Variants in SNX24 observed in about 807,000 individuals in gnomAD.
SNX24 encodes the protein sorting nexin 24, also known as sorting nexin-24.
SNX24 carries 22 observed loss-of-function variants against 28.7 expected under a neutral mutation model. That is an observed-to-expected ratio of 0.77 (90% CI 0.55 to 1.10). The LOEUF is 1.10. Among genes scored for constraint, SNX24 ranks in the 50% least tolerant of loss-of-function variants. The pLI is 0.00. For synonymous variants in SNX24, 69 were observed against 71.5 expected, an observed-to-expected ratio of 0.96 and a Z score of 0.18; for missense variants, 221 against 201.1, an observed-to-expected ratio of 1.10 and a Z score of -0.60.
At chr5:122,865,352 A>G (rs528883359) in intron 1 of SNX24, among the ~76,000 whole-genome samples, 124 of 152,180 alleles carry the variant, frequency 8.1e-4, no homozygotes, top group Middle Eastern at 6.8e-3. Flanking sequence ...ATTTTTTGAG[A>G]CTGAATCTTG....
intron 1 of SNX24, among the ~76,000 whole-genome samples, chr5:122,920,525 G>A (rs1758386936): frequency 6.6e-6 from 1 of 152,166 alleles, no homozygotes; most frequent in African/African-American, 2.4e-5. Context: ...TGTGTATATG[G>A]CACCATCTCT....
chr5:123,029,190 A>G, intron 5 of SNX24: 1 of 1,560,580 alleles, frequency 6.4e-7, no homozygotes, highest in African/African-American at 1.4e-5. Context: ...ATAAAGTCAA[A>G]TGTGGTAAGG....
chr5:122,928,174 A>G (rs1009410752), intron 1 of SNX24, among the ~76,000 whole-genome samples: 2 of 152,068 alleles, frequency 1.3e-5, no homozygotes, highest in Admixed American at 6.5e-5. Flanking sequence ...TTGGCACACA[A>G]TGGTAATGCT....
At chr5:122,959,935 GTCTCTGTGTCTGCC>G (rs1489762294) in intron 3 of SNX24, among the ~76,000 whole-genome samples, 2 of 152,176 alleles carry the variant, frequency 1.3e-5, no homozygotes, top group African/African-American at 2.4e-5. Flanking sequence ...GAATGATAGA[GTCTCTGTGTCTGCC>G]TTTGACCCTT....
intron 3 of SNX24, among the ~76,000 whole-genome samples, chr5:122,998,649 G>A (rs1191305114): frequency 2.0e-5 from 3 of 152,120 alleles, no homozygotes; most frequent in Non-Finnish European, 4.4e-5. Flanking sequence ...TGGGACAGAG[G>A]GCAGCCTAGG....
chr5:122,961,247 G>T lies in SNX24; in HGVS notation c.249+15088G>T, dbSNP rs191801635. The stretch of plus-strand genomic sequence containing the variant: ...TGCCACCCTAACCCTGACAACTCAG[G>T]GTTCTTAGAAGTTTTAGATTAAGAA... On this transcript the variant is annotated intron_variant, in intron 3 of 6. Coordinates refer to ENST00000261369, the MANE Select transcript of SNX24 (RefSeq NM_014035.4). Among the ~76,000 whole-genome samples, 445 of 152,266 alleles carry T rather than the reference G, an allele frequency of 2.9e-3. 3 individuals carry two copies. Among genetic ancestry groups the T allele is most frequent in the Non-Finnish European group, 7.8e-4 (53 of 68,018 alleles).
chr5:122,877,360 C>G (rs116811049), intron 1 of SNX24, among the ~76,000 whole-genome samples: 2 of 152,164 alleles, frequency 1.3e-5, no homozygotes, highest in Non-Finnish European at 2.9e-5. Flanking sequence ...GGAAACCAGG[C>G]TGATTGAACT....
chr5:123,011,556 AT>A (rs2150184223), downstream of SNX24, among the ~76,000 whole-genome samples: 1 of 152,342 alleles, frequency 6.6e-6, no homozygotes, highest in African/African-American at 2.4e-5. Flanking sequence ...GAAATAACAG[AT>A]GGTTTTCATC....
intron 5 of SNX24, among the ~76,000 whole-genome samples, chr5:123,018,059 C>T (rs1442143488): frequency 6.6e-6 from 1 of 151,882 alleles, no homozygotes; most frequent in African/African-American, 2.4e-5. Flanking sequence ...ATGGGAGACA[C>T]CAGGGCCATA....
chr5:122,997,661 C>G (rs1000315906), intron 3 of SNX24, among the ~76,000 whole-genome samples: 1 of 152,200 alleles, frequency 6.6e-6, no homozygotes, highest in Admixed American at 6.5e-5. Context: ...ATGTCTTCCT[C>G]CATACTGCGG....
chr5:122,867,724 C>G (rs1755784596), intron 1 of SNX24, among the ~76,000 whole-genome samples: 1 of 152,116 alleles, frequency 6.6e-6, no homozygotes, highest in African/African-American at 2.4e-5. Context: ...TATTAAAATC[C>G]TCCTCTGCTG....
intron 6 of SNX24, among the ~76,000 whole-genome samples, chr5:123,004,613 G>A (rs1316190749): frequency 2.0e-5 from 3 of 152,046 alleles, no homozygotes; most frequent in Non-Finnish European, 4.4e-5. Flanking sequence ...CTCTGTCCTG[G>A]GAGCTCCAGA....
At chr5:122,854,516 A>AC (rs1561507673) in intron 1 of SNX24, among the ~76,000 whole-genome samples, 1 of 15,476 alleles carries the variant, frequency 6.5e-5, no homozygotes, top group African/African-American at 7.1e-4. Context: ...TCAAAAAAAC[A>AC]AAAAAAAAAA....
intron 5 of SNX24, among the ~76,000 whole-genome samples, chr5:123,018,923 G>C (rs1190968120): frequency 6.6e-6 from 1 of 152,128 alleles, no homozygotes; most frequent in African/African-American, 2.4e-5. Flanking sequence ...CTGACCTTGT[G>C]ATCCGCCCGC....
At chr5:123,016,722 G>T (rs1762685963) in intron 5 of SNX24, among the ~76,000 whole-genome samples, 1 of 152,102 alleles carries the variant, frequency 6.6e-6, no homozygotes. Flanking sequence ...GATGTGGAAG[G>T]TAAAGGGAAG....
intron 1 of SNX24, among the ~76,000 whole-genome samples, chr5:122,931,313 C>T (rs561087561): frequency 2.6e-5 from 4 of 152,086 alleles, no homozygotes; most frequent in African/African-American, 4.8e-5. Flanking sequence ...ACTTAGAAAT[C>T]GAATATCATA....
intron 3 of SNX24, among the ~76,000 whole-genome samples, chr5:122,976,952 T>C (rs1042235497): frequency 6.6e-6 from 1 of 152,244 alleles, no homozygotes; most frequent in Non-Finnish European, 1.5e-5. Flanking sequence ...TCACATTCTC[T>C]GATTTACAGT....
chr5:122,901,314 G>T (rs1414288827), intron 1 of SNX24, among the ~76,000 whole-genome samples: 1 of 151,352 alleles, frequency 6.6e-6, no homozygotes, highest in African/African-American at 2.4e-5. Flanking sequence ...TTATTTATTT[G>T]TTTCTACTTT....
intron 1 of SNX24, among the ~76,000 whole-genome samples, chr5:122,871,380 G>C (rs865811828): frequency 6.6e-6 from 1 of 152,198 alleles, no homozygotes; most frequent in African/African-American, 2.4e-5. Flanking sequence ...TAAAGGAGAA[G>C]CATCAGCTTT....
Sources: allele counts gnomAD v4.1 joint callset (sites outside exome capture counted in the v4.1 genomes callset), GRCh38; gene constraint gnomAD v4.1.1; transcripts MANE v1.5; gene names NCBI Gene and HGNC (gene_info 2026-07-23, HGNC 2026-07-21).